Variants in PTPRS observed in about 807,000 individuals in gnomAD.
PTPRS encodes receptor-type tyrosine-protein phosphatase S.
In PTPRS, 63 loss-of-function variants were observed where a neutral mutation model predicts 215.3. That is an observed-to-expected ratio of 0.29 (90% CI 0.24 to 0.36). The LOEUF is 0.36. Ranked by LOEUF, PTPRS falls within the 10% of genes least tolerant of loss-of-function variation. PTPRS has a pLI of 1.00. For synonymous variants in PTPRS, 1,404 were observed against 1,191.4 expected (o/e 1.18, Z -3.68); for missense variants, 2,258 against 2,825.8 (o/e 0.80, Z 4.56).
At chr19:5,280,317 A>C (rs1163614910) in intron 2 of PTPRS, among the ~76,000 whole-genome samples, 3 of 152,196 alleles carry the variant, frequency 2.0e-5, no homozygotes, top group Admixed American at 6.5e-5. Context: ...GGCTTTAAAC[A>C]AAACAGAGTT....
chr19:5,218,149 CA>C (rs2041653215), intron 25 of PTPRS, among the ~76,000 whole-genome samples: 2 of 151,506 alleles, frequency 1.3e-5, no homozygotes, highest in Admixed American at 1.3e-4. Context: ...ATTTTTTAAA[CA>C]TCGTCTTTAG....
intron 1 of PTPRS, among the ~76,000 whole-genome samples, chr19:5,320,469 C>A (rs7260062): frequency 0.034 from 5,125 of 152,172 alleles, 189 homozygotes; most frequent in East Asian, 0.16. Context: ...TCGCTCTGTC[C>A]CCCAGGCTGG....
Position 5,205,979 on chromosome 19 carries a change from G to A in PTPRS, c.*795C>T, listed in dbSNP as rs1448530777. Among the ~76,000 whole-genome samples the A allele has an allele frequency of 6.7e-6, 1 of 148,476 alleles. No individual in the cohort carries two copies. Among genetic ancestry groups the A allele is most frequent in the Non-Finnish European group, 1.5e-5 (1 of 67,006 alleles). ...TAATTTATAAAAATGAAACAAAAAGGGGGAAAAAAAAAGCCAAGAAAGAAA... is the reference window on the plus strand; with the variant it reads ...TAATTTATAAAAATGAAACAAAAAGAGGGAAAAAAAAAGCCAAGAAAGAAA... On this transcript the variant is annotated 3_prime_UTR_variant, in exon 38 of 38. Coordinates refer to ENST00000262963, the MANE Select transcript of PTPRS (RefSeq NM_002850.4).
In PTPRS at chr19:5,219,978, A is replaced by T; in HGVS notation, c.3726T>A (p.Tyr1242Ter). 6.2e-7 allele frequency: 1 copy of T among 1,613,926 alleles called. No homozygotes were observed. Residue 1242 changes from tyrosine to a stop codon, truncating the protein, a stop_gained, in exon 22 of 38, where the codon TAT becomes TAA. Transcript: ENST00000262963. LOFTEE classifies it high-confidence loss of function. Reference sequence around the variant, plus strand: ...GAAGCACGGCAAGCACGAAGAGGACATAGCGGTGGCCGGGCTCCAGGCCCC... The same window carrying T: ...GAAGCACGGCAAGCACGAAGAGGACTTAGCGGTGGCCGGGCTCCAGGCCCC... The part of the protein sequence containing the change: ...DNRGLEPGHR[Y>*]VLFVLAVLQK...
intron 37 of PTPRS, 136 bp downstream of exon 37, chr19:5,207,786 G>T: frequency 7.8e-7 from 1 of 1,282,660 alleles, no homozygotes; most frequent in Non-Finnish European, 1.1e-6. Flanking sequence ...AGTGCGGGAG[G>T]GGTCTGTGGA....
Position 5,210,668 on chromosome 19 carries a change from C to A in PTPRS, c.5361+11G>T. 1 of 1,614,134 alleles carries A rather than the reference C, an allele frequency of 6.2e-7. No individual in the cohort carries two copies. Among genetic ancestry groups the A allele is most frequent in the Non-Finnish European group, 8.5e-7 (1 of 1,180,026 alleles). ...GGCCCTCGCCCTTCCCTGCTGTGGC[C>A]CCTAGCTCACCCGGCCCATCTCCCG... On this transcript the variant is annotated intron_variant, in intron 34 of 37. Transcript: ENST00000262963. The surrounding 1 kb of genome is among the most constrained non-coding windows in gnomAD (Gnocchi z 4.5).
chr19:5,308,392 C>T (rs2049572429), intron 1 of PTPRS, among the ~76,000 whole-genome samples: 1 of 152,184 alleles, frequency 6.6e-6, no homozygotes, highest in Admixed American at 6.5e-5. Context: ...TCCTTAAGGG[C>T]AAGGATTGTC....
At chr19:5,219,802 C>T in intron 22 of PTPRS, 137 bp downstream of exon 22, 1 of 1,052,830 alleles carries the variant, frequency 9.5e-7, no homozygotes, top group Non-Finnish European at 1.4e-6. Context: ...TCCCTCCGCT[C>T]CCAAGTCTTC....
chr19:5,242,599 A>C (rs548732163), intron 11 of PTPRS, among the ~76,000 whole-genome samples: 2 of 150,132 alleles, frequency 1.3e-5, no homozygotes, highest in Non-Finnish European at 3.0e-5. Context: ...GGCTGTTCTC[A>C]AACTCCTGAC....
At position 5,244,045 on chromosome 19, in the gene PTPRS, G is replaced by A; in HGVS notation, c.1426C>T (p.Gln476Ter). The A allele has an allele frequency of 1.2e-6, 2 of 1,610,098 alleles. No homozygotes were observed. Residue 476 changes from glutamine (Q) to a stop codon, truncating the protein, a stop_gained, in exon 11 of 38, where the codon CAG (glutamine) becomes TAG (stop). Coordinates refer to ENST00000262963, the MANE Select transcript of PTPRS (RefSeq NM_002850.4). LOFTEE classifies it high-confidence loss of function. The surrounding 1 kb of genome is among the most constrained non-coding windows in gnomAD (Gnocchi z 7.2). ...MEPEHPVGNW[Q>*]KHNVDDSLLT... is the part of the protein sequence containing the mutation. Reference sequence around the variant, plus strand: ...AGGCTGTCGTCCACGTTGTGCTTCTGCCAGTTGCCCACGGGGTGCTCCGGT... The same window carrying A: ...AGGCTGTCGTCCACGTTGTGCTTCTACCAGTTGCCCACGGGGTGCTCCGGT...
intron 2 of PTPRS, chr19:5,277,852 G>T: frequency 1.2e-6 from 1 of 837,626 alleles, no homozygotes; most frequent in Non-Finnish European, 2.1e-6. Flanking sequence ...GAAACCCAGA[G>T]GTATTGACAA....
At chr19:5,256,259 CAA>C (rs397949180) in intron 8 of PTPRS, 140 bp from the exon 9 acceptor site, 51 of 451,794 alleles carry the variant, frequency 1.1e-4, no homozygotes, top group South Asian at 3.0e-4. Flanking sequence ...TTCTTTAAAC[CAA>C]AAAAAAAAAT....
Position 5,244,494 on chromosome 19 carries a change from A to T in PTPRS, c.989-12T>A. On this transcript the variant is annotated splice_polypyrimidine_tract_variant and intron_variant, in intron 10 of 37. Coordinates refer to ENST00000262963, the MANE Select transcript of PTPRS (RefSeq NM_002850.4). The surrounding 1 kb of genome is among the most constrained non-coding windows in gnomAD (Gnocchi z 7.2). ...AGCTTTGGGGAGAGCTGTGGGCAGG[A>T]GGCAGCTGTGTCACGCATTGGGCAC... The T allele has an allele frequency of 6.2e-7, 1 of 1,609,026 alleles. No homozygotes were observed. Among genetic ancestry groups the T allele is most frequent in the Non-Finnish European group, 8.5e-7 (1 of 1,176,882 alleles).
rs530112480 is a variant in PTPRS at position 5,224,976 on chromosome 19, G to A, written c.2494+751C>T. Reference sequence around the variant, plus strand: ...TCAGTCGATTGTTCCTGAAACACCCGAGCTTGTTCCGCCCACCACCACCAC... The same window carrying A: ...TCAGTCGATTGTTCCTGAAACACCCAAGCTTGTTCCGCCCACCACCACCAC... On this transcript the variant is annotated intron_variant, in intron 17 of 37. Transcript: ENST00000262963. Among the ~76,000 whole-genome samples the A allele has an allele frequency of 3.9e-5, 6 of 152,202 alleles. No homozygotes were observed. In the South Asian group the frequency reaches 1.2e-3, roughly 32 times the overall value.
At position 5,220,101 on chromosome 19, in the gene PTPRS, C is replaced by T; in HGVS notation, c.3603G>A (p.Gln1201=). 1.2e-6 allele frequency: 2 copies of T among 1,613,622 alleles called. No homozygotes were observed. The highest frequency in any genetic ancestry group is 8.5e-7 in the Non-Finnish European group (1 of 1,179,982). ...CAATATAGGGCCGGGGCACCTCCAG[C>T]TGACGCGAGTGCCGCAGGCTGCGCC... ...LQRRSLRHSR[Q]LEVPRPYIAA... The change falls in exon 22 of 38, where the codon CAG becomes CAA. Residue 1201 remains glutamine, a synonymous_variant. Transcript: ENST00000262963.
chr19:5,262,966 A>C lies in PTPRS; in HGVS notation c.575T>G (p.Phe192Cys), dbSNP rs1181107330. 2 of 1,531,628 alleles carry C rather than the reference A, an allele frequency of 1.3e-6. No individual in the cohort carries two copies. Among genetic ancestry groups the C allele is most frequent in the South Asian group, 1.2e-5 (1 of 86,220 alleles). 94.9% of individuals were successfully genotyped at this position (1,531,628 alleles called of 1,614,324 possible). A position where few individuals can be genotyped will look rare whatever the true frequency, so the allele number is the denominator to read the frequency against. ...GRIKQLRSET[F>C]ESTPIRGALQ... Reference sequence around the variant, plus strand: ...CGTGGTGATGAAATCAGACTTACCAAAGGTTTCTGAACGTTTACAACAGGA... The same window carrying C: ...CGTGGTGATGAAATCAGACTTACCACAGGTTTCTGAACGTTTACAACAGGA... The change falls in exon 6 of 38, where the codon TTT becomes TGT. Residue 192 changes from phenylalanine to cysteine, a missense_variant and splice_region_variant. Around this residue, in one of 6 missense-constraint regions of PTPRS, gnomAD observed 508 missense variants for 799.4 expected, o/e 0.64. Transcript: ENST00000262963.
chr19:5,329,642 G>A (rs764890777), intron 1 of PTPRS, among the ~76,000 whole-genome samples: 2 of 152,080 alleles, frequency 1.3e-5, no homozygotes, highest in African/African-American at 4.8e-5. Flanking sequence ...GTGGGCGCCT[G>A]TAGTCCCAGC....
intron 1 of PTPRS, among the ~76,000 whole-genome samples, chr19:5,335,237 T>G (rs2050456706): frequency 6.6e-6 from 1 of 152,228 alleles, no homozygotes; most frequent in South Asian, 2.1e-4. Flanking sequence ...TGCATGCGAC[T>G]GACTGCGGAC....
rs140914019 is a variant in PTPRS, at chr19:5,265,572, C to T, written c.380-376G>A. On this transcript the variant is annotated intron_variant, in intron 4 of 37. Coordinates refer to ENST00000262963, the MANE Select transcript of PTPRS (RefSeq NM_002850.4). ...GTCCAGGCGGGTCTCAAACTCCTGG[C>T]CCCAAGCAATCCTCCCACTTCTGCC... 3.9e-3 allele frequency among the ~76,000 whole-genome samples: 591 copies of T among 152,206 alleles called. 6 individuals are homozygous for T. The highest frequency in any genetic ancestry group is 0.014 in the African/African-American group (569 of 41,512).
Sources: allele counts gnomAD v4.1 joint callset (sites outside exome capture counted in the v4.1 genomes callset), GRCh38; gene constraint gnomAD v4.1.1; regional missense constraint gnomAD v4.1.1; non-coding constraint Gnocchi (gnomAD v3.1); transcripts MANE v1.5; gene names NCBI Gene and HGNC (gene_info 2026-07-23, HGNC 2026-07-21).